The following DST variants were observed in gnomAD, a reference collection of about 807,000 sequenced individuals.
The protein encoded by DST is bullous pemphigoid antigen.
In DST, 253 loss-of-function variants were observed where a neutral mutation model predicts 875.2. The ratio of observed to expected loss-of-function variants is 0.29; its 90% confidence interval spans 0.26 to 0.32. DST has a LOEUF of 0.32. Ranked by LOEUF, DST falls within the 10% of genes least tolerant of loss-of-function variation. DST has a pLI of 1.00. For synonymous variants in DST, 3,124 were observed against 3,197.1 expected (o/e 0.98, Z 0.77); for missense variants, 8,287 against 9,111.6 (o/e 0.91, Z 3.68).
intron 4 of DST, among the ~76,000 whole-genome samples, chr6:56,824,863 CG>C (rs551009780): frequency 0.021 from 3,230 of 151,920 alleles, 40 homozygotes; most frequent in Non-Finnish European, 0.032. Context: ...CCACCCCGTC[CG>C]GGAGGGAGGT....
chr6:56,808,525 A>G (rs1561942898), intron 4 of DST, among the ~76,000 whole-genome samples: 1 of 152,250 alleles, frequency 6.6e-6, no homozygotes, highest in Non-Finnish European at 1.5e-5. Flanking sequence ...ATGATTTACC[A>G]TTTATCTAAT....
chr6:56,528,652 G>A (rs1010544345), intron 67 of DST, among the ~76,000 whole-genome samples, 189 bp downstream of exon 67: 2 of 152,160 alleles, frequency 1.3e-5, no homozygotes, highest in Admixed American at 1.3e-4. Flanking sequence ...ACTCAAGTGA[G>A]ATCATGAGAA....
In DST at chr6:56,557,533, AT is replaced by A. The variant is rs776968630; in HGVS notation, c.14441-16del. ...CCACTTAGAATCTAAAAGAAAAAAA[AT>A]GAAACTGGTGTTTGACATTTTTTGC... On this transcript the variant is annotated splice_polypyrimidine_tract_variant and intron_variant, in intron 58 of 103. Coordinates refer to ENST00000680361, the MANE Select transcript of DST (RefSeq NM_001374736.1). The A allele has an allele frequency of 6.3e-7, 1 of 1,589,868 alleles. No individual in the cohort carries two copies. The highest frequency in any genetic ancestry group is 8.6e-7 in the Non-Finnish European group (1 of 1,165,372).
chr6:56,916,948 G>T (rs1192210179), intron 2 of DST, among the ~76,000 whole-genome samples: 3 of 140,388 alleles, frequency 2.1e-5, no homozygotes, highest in Non-Finnish European at 4.5e-5. Flanking sequence ...CCCATGAAAT[G>T]GATGCTTGCC....
rs2152713894 is a variant in DST at position 56,608,376 on chromosome 6, T to C, written c.6252A>G (p.Ser2084=). ...TAATCAATTCTTGCTGCAAGGAAGA[T>C]GATGTGGGAAATATTTCACCAGAAT... ...WPHSGEIFPT[S]SSLQQELITN... The change falls in exon 40 of 104, where the codon TCA becomes TCG. Residue 2084 remains serine (S), a synonymous_variant. Transcript: ENST00000680361. 2 of 1,612,962 alleles carry C rather than the reference T, an allele frequency of 1.2e-6. No homozygotes were observed. The highest frequency in any genetic ancestry group is 2.2e-5 in the East Asian group (1 of 44,886).
intron 2 of DST, among the ~76,000 whole-genome samples, chr6:56,920,727 C>CTTTTTTTTTTTTTTTTTT (rs1201574608): frequency 8.1e-6 from 1 of 124,196 alleles, no homozygotes; most frequent in Non-Finnish European, 1.7e-5. Context: ...TTCTTTCTTC[C>CTTTTTTTTTTTTTTTTTT]TTTTTTTTTT....
In DST at chr6:56,483,803, C is replaced by T. The variant is rs187889644; in HGVS notation, c.21208-926G>A. ...TAGGTTTCTATTCTGATACTCAGAT[C>T]ATTCACAAAAGTGAGCCTATCACAA... On this transcript the variant is annotated intron_variant, in intron 88 of 103. Transcript: ENST00000680361. The T allele has an allele frequency of 1.3e-4, 20 of 152,210 alleles. No homozygotes were observed. The East Asian group carries it at 3.7e-3, about 28-fold the overall frequency. 9.4% of individuals were successfully genotyped at this position (152,210 alleles called of 1,614,324 possible).
intron 50 of DST, among the ~76,000 whole-genome samples, chr6:56,576,883 T>C (rs892953996): frequency 5.3e-5 from 8 of 152,146 alleles, no homozygotes; most frequent in Non-Finnish European, 1.0e-4. Flanking sequence ...CTATTGGAAA[T>C]AAATGTATGT....
chr6:56,654,720 T>C (rs2098996416), intron 10 of DST, among the ~76,000 whole-genome samples: 2 of 152,010 alleles, frequency 1.3e-5, no homozygotes, highest in Admixed American at 1.3e-4. Context: ...CAAAGCTAGC[T>C]GAACATAAAA....
At chr6:56,663,753 C>G (rs2099057003) in intron 10 of DST, among the ~76,000 whole-genome samples, 2 of 152,120 alleles carry the variant, frequency 1.3e-5, no homozygotes, top group African/African-American at 4.8e-5. Context: ...TATTCTCATT[C>G]AAAATGCAAA....
At position 56,463,653 on chromosome 6, in the gene DST, C is replaced by A; in HGVS notation, c.22871G>T (p.Arg7624Leu). The change falls in exon 101 of 104, where the codon CGA (arginine) becomes CTA (leucine). Residue 7624 changes from arginine to leucine, a missense_variant. Transcript: ENST00000680361. ...PRGRRSRPSS[R>L]GASPNRSTSV... ...AGTGGATCTGTTGGGTGAAGCGCCTCGTGATGATGGCCGGGATCTTCGGCC... is the reference window on the plus strand; with the variant it reads ...AGTGGATCTGTTGGGTGAAGCGCCTAGTGATGATGGCCGGGATCTTCGGCC... 6.2e-7 allele frequency: 1 copy of A among 1,613,936 alleles called. No individual in the cohort carries two copies. The highest frequency in any genetic ancestry group is 8.5e-7 in the Non-Finnish European group (1 of 1,179,882).
rs1024051641 is a variant in DST at position 56,529,756 on chromosome 6, T to C, written c.17287A>G (p.Ile5763Val). ...AQHKALEDDI[I>V]NHNKHLHQAV... ...TGGTGTAAATGTTTATTGTGATTGA[T>C]GATGTCATCTTCTAAGGCCTAAGCA... is the stretch of plus-strand genomic sequence containing the variant. Residue 5763 changes from isoleucine to valine, a missense_variant, in exon 66 of 104, where the codon ATC becomes GTC. Transcript: ENST00000680361. The C allele has an allele frequency of 3.8e-6, 6 of 1,584,812 alleles. No individual in the cohort carries two copies. Among genetic ancestry groups the C allele is most frequent in the Non-Finnish European group, 5.1e-6 (6 of 1,166,658 alleles).
At chr6:56,946,728 G>T (rs796998285) in intron 2 of DST, among the ~76,000 whole-genome samples, 45 of 152,316 alleles carry the variant, frequency 3.0e-4, no homozygotes, top group African/African-American at 1.1e-3. Flanking sequence ...TACATTAATT[G>T]TGAGTCAGGA....
intron 4 of DST, among the ~76,000 whole-genome samples, chr6:56,735,734 T>C (rs2099520869): frequency 6.6e-6 from 1 of 152,236 alleles, no homozygotes. Context: ...TTGTTCATGA[T>C]TACCCAGCAA....
intron 3 of DST, among the ~76,000 whole-genome samples, chr6:56,887,275 A>G (rs1785076087): frequency 6.6e-6 from 1 of 152,228 alleles, no homozygotes; most frequent in Non-Finnish European, 1.5e-5. Flanking sequence ...GTGACACGGT[A>G]GCAGGTGGCT....
Position 56,632,846 on chromosome 6 carries a change from T to C in DST, c.3805+8A>G. 2 of 1,612,732 alleles carry C rather than the reference T, an allele frequency of 1.2e-6. No homozygotes were observed. Among genetic ancestry groups the C allele is most frequent in the Non-Finnish European group, 1.7e-6 (2 of 1,179,162 alleles). On this transcript the variant is annotated splice_region_variant and intron_variant, in intron 28 of 103. Coordinates refer to ENST00000680361, the MANE Select transcript of DST (RefSeq NM_001374736.1). ...GGGGAAAAAAAGACAGGGATCCCCATGCTTTACCTCTTTCTGCAGATTTAA... is the reference window on the plus strand; with the variant it reads ...GGGGAAAAAAAGACAGGGATCCCCACGCTTTACCTCTTTCTGCAGATTTAA...
intron 86 of DST, among the ~76,000 whole-genome samples, chr6:56,488,315 T>C (rs1041000969): frequency 2.0e-5 from 3 of 152,192 alleles, no homozygotes; most frequent in Non-Finnish European, 4.4e-5. Flanking sequence ...AACTTTAATA[T>C]GTAATATACT....
intron 9 of DST, chr6:56,692,702 T>C (rs1218002353): frequency 1.6e-6 from 2 of 1,289,468 alleles, no homozygotes; most frequent in Non-Finnish European, 2.0e-6. Flanking sequence ...CAATATGGAG[T>C]GCTGTCTTTT....
At chr6:56,692,332 G>T in intron 9 of DST, 1 of 920,490 alleles carries the variant, frequency 1.1e-6, no homozygotes, top group Non-Finnish European at 1.4e-6. Context: ...ATGTCAGTCT[G>T]ATGTGAGCAC....
Sources: allele counts gnomAD v4.1 joint callset (sites outside exome capture counted in the v4.1 genomes callset), GRCh38; gene constraint gnomAD v4.1.1; transcripts MANE v1.5; gene names NCBI Gene and HGNC (gene_info 2026-07-23, HGNC 2026-07-21).